The following CAST variants were observed in gnomAD, a reference collection of about 807,000 sequenced individuals.
The protein encoded by CAST is calpastatin.
Under a neutral mutation model 119.6 loss-of-function variants are expected in CAST, and 76 were observed. The ratio of observed to expected loss-of-function variants is 0.64; its 90% CI spans 0.53 to 0.77. The LOEUF (loss-of-function observed/expected upper bound fraction) is 0.77, where lower values mean the gene tolerates loss of function less well. Among genes scored for constraint, CAST ranks in the 30% least tolerant of loss-of-function variants. The pLI is 0.00. For missense variants in CAST, 953 were observed against 946.5 expected (o/e 1.01, Z -0.09); for synonymous variants, 319 against 331.6 (o/e 0.96, Z 0.41).
At chr5:96,630,005 G>A (rs1174397619) in intron 1 of CAST, among the ~76,000 whole-genome samples, 2 of 152,202 alleles carry the variant, frequency 1.3e-5, no homozygotes, top group Non-Finnish European at 2.9e-5. Flanking sequence ...GGCCACTTCT[G>A]GGCCTGCCTG....
chr5:96,450,166 A>G, the CAST span, among the ~76,000 whole-genome samples: 10,985 of 152,266 alleles, frequency 0.072, 1,339 homozygotes, highest in African/African-American at 0.25. Context: ...AGTGCCCATC[A>G]AGAGATGACG....
intron 3 of CAST, chr5:96,702,998 G>A (rs1180863361): frequency 2.0e-5 from 19 of 938,178 alleles, no homozygotes; most frequent in East Asian, 1.2e-4. Context: ...CCTGCCCTGC[G>A]TGTCCGGGGC....
At chr5:96,277,366 G>GT in the CAST span, among the ~76,000 whole-genome samples, 16,582 of 151,394 alleles carry the variant, frequency 0.11, 1,054 homozygotes, top group East Asian at 0.21. Flanking sequence ...CTTTTATATT[G>GT]GTTTTTTTTT....
chr5:96,239,127 A>G, the CAST span, among the ~76,000 whole-genome samples: 85 of 152,266 alleles, frequency 5.6e-4, no homozygotes, highest in Non-Finnish European at 1.0e-3. Flanking sequence ...AATTTTTAAC[A>G]ACTTCATTGT....
the CAST span, among the ~76,000 whole-genome samples, chr5:96,189,083 C>T: frequency 1.3e-5 from 2 of 152,132 alleles, no homozygotes; most frequent in African/African-American, 4.8e-5. Flanking sequence ...CTTCTCATAG[C>T]CTGCTGATTT....
chr5:96,667,627 A>T (rs1749509237), intron 1 of CAST, among the ~76,000 whole-genome samples: 1 of 152,210 alleles, frequency 6.6e-6, no homozygotes, highest in South Asian at 2.1e-4. Flanking sequence ...AAAAACGAAC[A>T]CTTGGGGTTC....
chr5:96,150,868 A>T, the CAST span, among the ~76,000 whole-genome samples: 1 of 152,182 alleles, frequency 6.6e-6, no homozygotes, highest in East Asian at 1.9e-4. Flanking sequence ...TATCTGCCAG[A>T]TGCAGAGGTA....
chr5:96,545,446 C>G (rs550205190), intron 1 of CAST: 3 of 152,192 alleles, frequency 2.0e-5, no homozygotes, highest in Non-Finnish European at 1.5e-5. Context: ...AGTAGGGCTG[C>G]CAGAATCATT....
the CAST span, chr5:96,390,546 T>C: frequency 6.6e-6 from 1 of 152,640 alleles, no homozygotes. Context: ...AACACATACA[T>C]GTACTTTTTT....
At chr5:96,157,408 A>G in the CAST span, among the ~76,000 whole-genome samples, 1 of 152,228 alleles carries the variant, frequency 6.6e-6, no homozygotes. Context: ...AACCTGACCT[A>G]ATTTTGACCA....
At chr5:96,318,473 C>T in the CAST span, 2 of 152,198 alleles carry the variant, frequency 1.3e-5, no homozygotes, top group Non-Finnish European at 2.9e-5. Context: ...GCTCCCACAG[C>T]TTTTGGTTCC....
chr5:96,452,640 T>TA, the CAST span, among the ~76,000 whole-genome samples: 5,317 of 89,898 alleles, frequency 0.059, 573 homozygotes, highest in South Asian at 0.078. Context: ...TAAAGTATAA[T>TA]AAAAAAAAAA....
intron 13 of CAST, 97 bp from the exon 14 acceptor site, chr5:96,741,169 A>G: frequency 1.4e-6 from 1 of 712,702 alleles, no homozygotes; most frequent in African/African-American, 1.8e-5. Context: ...GTAGCAAGGG[A>G]ATTGGAAAAG....
the CAST span, among the ~76,000 whole-genome samples, chr5:96,450,637 A>G: frequency 2.0e-5 from 3 of 152,242 alleles, no homozygotes; most frequent in African/African-American, 7.2e-5. Flanking sequence ...GGCTAGATAT[A>G]CAATTCCACA....
In CAST at chr5:96,556,060, G is replaced by A. The variant is rs192625748; in HGVS notation, c.60+26180G>A. On this transcript the variant is annotated intron_variant, in intron 1 of 11. Coordinates refer to the CAST transcript ENST00000505143. Reference sequence around the variant, plus strand: ...CAATATTTGCTGTTCACCAATATCCGCTGTTCTGCAGCCTCCGCTGCTTAT... The same window carrying A: ...CAATATTTGCTGTTCACCAATATCCACTGTTCTGCAGCCTCCGCTGCTTAT... 9.1e-4 allele frequency among the ~76,000 whole-genome samples: 139 copies of A among 152,324 alleles called. 1 individual carries two copies. In the South Asian group the frequency reaches 0.027, roughly 30 times the overall value.
chr5:96,606,839 G>A (rs1747265876), intron 1 of CAST, among the ~76,000 whole-genome samples: 1 of 152,186 alleles, frequency 6.6e-6, no homozygotes, highest in Admixed American at 6.5e-5. Flanking sequence ...CCCCAGACCA[G>A]CAGCTTAGCA....
chr5:96,559,007 C>T (rs544843731), intron 1 of CAST, among the ~76,000 whole-genome samples: 1 of 152,236 alleles, frequency 6.6e-6, no homozygotes, highest in East Asian at 1.9e-4. Flanking sequence ...AGCTTATCCA[C>T]CATAATCAAG....
the CAST span, among the ~76,000 whole-genome samples, chr5:96,091,188 A>T: frequency 6.6e-6 from 1 of 150,460 alleles, no homozygotes; most frequent in South Asian, 2.1e-4. Flanking sequence ...AATCTCAGGC[A>T]TGTTACTGAA....
intron 1 of CAST, among the ~76,000 whole-genome samples, chr5:96,643,239 T>C (rs1747974802): frequency 6.6e-6 from 1 of 152,244 alleles, no homozygotes; most frequent in Non-Finnish European, 1.5e-5. Flanking sequence ...TGCATTTTTC[T>C]AAGTTACTTT....
Sources: gnomAD v4.1 joint callset for allele counts (sites outside exome capture counted in the v4.1 genomes callset) on GRCh38, gnomAD v4.1.1 for gene constraint, MANE v1.5 for transcripts, NCBI Gene and HGNC (gene_info 2026-07-23, HGNC 2026-07-21) for gene names.